The following PCDHA1 variants were observed in gnomAD, a reference collection of about 807,000 sequenced individuals.
PCDHA1 encodes protocadherin alpha-1.
Under a neutral mutation model 61.3 loss-of-function variants are expected in PCDHA1, and 42 were observed. The observed-to-expected ratio is 0.69, with a 90% CI of 0.54 to 0.89. PCDHA1 has a LOEUF of 0.89. Among genes scored for constraint, PCDHA1 ranks in the 40% least tolerant of loss-of-function variants. PCDHA1 has a pLI of 0.00. For missense variants in PCDHA1, 1,256 were observed against 1,235.3 expected (o/e 1.02, Z -0.25); for synonymous variants, 610 against 553.8 (o/e 1.10, Z -1.43).
At chr5:140,788,885 T>C (rs1761501391) in intron 1 of PCDHA1, 2 of 1,294,738 alleles carry the variant, frequency 1.5e-6, no homozygotes, top group South Asian at 4.6e-5. Flanking sequence ...TAGGGACAAA[T>C]TGTCGTATTT....
chr5:140,806,282 T>C (rs1198012789), intron 1 of PCDHA1, among the ~76,000 whole-genome samples: 1 of 152,120 alleles, frequency 6.6e-6, no homozygotes, highest in African/African-American at 2.4e-5. Flanking sequence ...TTGGCTAAAA[T>C]ATATAAGCAC....
chr5:140,989,696 T>G (rs1554251011), intron 3 of PCDHA1, among the ~76,000 whole-genome samples: 1 of 152,216 alleles, frequency 6.6e-6, no homozygotes, highest in African/African-American at 2.4e-5. Flanking sequence ...CGTGAAAATT[T>G]TATCTTCAGA....
chr5:140,924,766 G>A (rs543178519), intron 1 of PCDHA1, among the ~76,000 whole-genome samples: 1 of 151,878 alleles, frequency 6.6e-6, no homozygotes, highest in East Asian at 1.9e-4. Context: ...ATGGTGGTGC[G>A]CGCTTGTAGT....
chr5:140,825,986 T>C (rs1768779774), intron 1 of PCDHA1: 1 of 152,306 alleles, frequency 6.6e-6, no homozygotes, highest in Non-Finnish European at 1.5e-5. Context: ...TATGGATTTA[T>C]AGGTAGTAAA....
intron 1 of PCDHA1, chr5:140,884,170 G>A (rs1333457358): frequency 1.4e-5 from 23 of 1,613,294 alleles, no homozygotes; most frequent in Non-Finnish European, 1.9e-5. Flanking sequence ...TCAGCACGAC[G>A]CGCCCTCTGG....
chr5:140,891,904 T>A (rs1429453216), intron 1 of PCDHA1, among the ~76,000 whole-genome samples: 3 of 152,212 alleles, frequency 2.0e-5, no homozygotes, highest in Non-Finnish European at 4.4e-5. Flanking sequence ...AAGAAGATCT[T>A]CACCAGATGC....
At position 140,910,081 on chromosome 5, in the gene PCDHA1, A is replaced by G. The variant is rs183187398; in HGVS notation, c.2395-68868A>G. 2.8e-3 allele frequency among the ~76,000 whole-genome samples: 421 copies of G among 152,330 alleles called. 2 individuals are homozygous for G. Among genetic ancestry groups the G allele is most frequent in the Middle Eastern group, 0.014 (4 of 294 alleles). On this transcript the variant is annotated intron_variant, in intron 1 of 3. Coordinates refer to ENST00000504120, the MANE Select transcript of PCDHA1 (RefSeq NM_018900.4). Reference sequence around the variant, plus strand: ...CTTTTAACAGCGTAAATTGTTGTCAAGGGGAACCAGCCTCCCCTTCATTTA... The same window carrying G: ...CTTTTAACAGCGTAAATTGTTGTCAGGGGGAACCAGCCTCCCCTTCATTTA...
intron 1 of PCDHA1, chr5:140,835,976 G>T: frequency 6.2e-7 from 1 of 1,613,312 alleles, no homozygotes; most frequent in Non-Finnish European, 8.5e-7. Flanking sequence ...TGGAGCTGTT[G>T]CAGTTCCAGG....
At chr5:140,809,474 G>C in intron 1 of PCDHA1, 1 of 1,614,228 alleles carries the variant, frequency 6.2e-7, no homozygotes, top group East Asian at 2.2e-5. Context: ...CTCTGGTGAG[G>C]GCCCACCCAA....
chr5:140,826,565 G>T (rs1768967744), intron 1 of PCDHA1, among the ~76,000 whole-genome samples: 1 of 152,090 alleles, frequency 6.6e-6, no homozygotes, highest in South Asian at 2.1e-4. Flanking sequence ...TTGAAGGAGG[G>T]GTTTAATCAC....
chr5:140,791,534 T>A (rs1372593037), intron 1 of PCDHA1, among the ~76,000 whole-genome samples: 1 of 152,166 alleles, frequency 6.6e-6, no homozygotes, highest in Non-Finnish European at 1.5e-5. Context: ...TGTATTGAGG[T>A]CCCACTGCCA....
intron 1 of PCDHA1, chr5:140,875,402 C>A: frequency 6.7e-7 from 1 of 1,488,874 alleles, no homozygotes; most frequent in Admixed American, 2.6e-5. Flanking sequence ...AGGGTGACTG[C>A]TCATAAAATA....
At chr5:140,826,108 A>C (rs1252391414) in intron 1 of PCDHA1, among the ~76,000 whole-genome samples, 1 of 152,218 alleles carries the variant, frequency 6.6e-6, no homozygotes, top group East Asian at 1.9e-4. Context: ...CATGCTATTT[A>C]TATATTCCTA....
intron 1 of PCDHA1, among the ~76,000 whole-genome samples, chr5:140,920,261 A>T (rs535022961): frequency 3.3e-4 from 50 of 152,226 alleles, no homozygotes; most frequent in Non-Finnish European, 2.8e-4. Context: ...TATAATAATT[A>T]TTACTTTATG....
At chr5:140,803,671 A>G (rs782450131) in intron 1 of PCDHA1, 2 of 1,599,252 alleles carry the variant, frequency 1.3e-6, no homozygotes, top group East Asian at 4.5e-5. Context: ...GAAATACATT[A>G]ATAGTTAAGT....
rs149837711 is a variant in PCDHA1 at position 140,940,786 on chromosome 5, G to A, written c.2395-38163G>A. Reference sequence around the variant, plus strand: ...TTTGACTTTTGATGGTCCATATCCTGAAAATGATATTTGCCAGGATATCCT... The same window carrying A: ...TTTGACTTTTGATGGTCCATATCCTAAAAATGATATTTGCCAGGATATCCT... On this transcript the variant is annotated intron_variant, in intron 1 of 3. Coordinates refer to ENST00000504120, the MANE Select transcript of PCDHA1 (RefSeq NM_018900.4). 1.1e-4 allele frequency among the ~76,000 whole-genome samples: 17 copies of A among 152,224 alleles called. 1 individual carries two copies. The East Asian group carries it at 2.9e-3, about 26-fold the overall frequency.
In PCDHA1 at chr5:141,012,118, T is replaced by C. The variant is rs2098422988; in HGVS notation, c.*2181T>C. 6.5e-6 allele frequency: 1 copy of C among 153,768 alleles called. No individual in the cohort carries two copies. The highest frequency in any genetic ancestry group is 2.4e-5 in the African/African-American group (1 of 41,458). The allele number at this position is 153,768 out of a possible 1,614,324, so 9.5% of individuals were successfully genotyped here. A position where few individuals can be genotyped will look rare whatever the true frequency, so the allele number is the denominator to read the frequency against. On this transcript the variant is annotated 3_prime_UTR_variant, in exon 4 of 4. Coordinates refer to ENST00000504120, the MANE Select transcript of PCDHA1 (RefSeq NM_018900.4). ...TCATTTTGCCCCACTGAAGCCCATG[T>C]ATCTGACCTTACGTGCCTTTTGAAC...
At chr5:140,844,055 G>A (rs1371474280) in intron 1 of PCDHA1, among the ~76,000 whole-genome samples, 1 of 149,532 alleles carries the variant, frequency 6.7e-6, no homozygotes, top group Non-Finnish European at 1.5e-5. Flanking sequence ...TTCCCCCAAA[G>A]CGTTTATTCT....
chr5:140,974,975 T>A (rs782637911), intron 1 of PCDHA1, among the ~76,000 whole-genome samples: 1 of 152,222 alleles, frequency 6.6e-6, no homozygotes, highest in African/African-American at 2.4e-5. Context: ...GTGGCTGAGT[T>A]GTCCGCTCAG....
Sources: gnomAD v4.1 joint callset for allele counts (sites outside exome capture counted in the v4.1 genomes callset) on GRCh38, gnomAD v4.1.1 for gene constraint, MANE v1.5 for transcripts, NCBI Gene and HGNC (gene_info 2026-07-23, HGNC 2026-07-21) for gene names.